The following HTR2C variants were observed in gnomAD, a reference collection of about 807,000 sequenced individuals.
The protein encoded by HTR2C is 5-hydroxytryptamine receptor 2C, also known as 5-hydroxytryptamine (serotonin) receptor 2C, G protein-coupled.
A neutral mutation model predicts 21.0 loss-of-function variants in HTR2C; 5 were observed. The ratio of observed to expected loss-of-function variants is 0.24; its 90% CI spans 0.12 to 0.50. HTR2C has a LOEUF of 0.50. Among genes scored for constraint, HTR2C ranks in the 20% least tolerant of loss-of-function variants. The pLI is 0.98. For synonymous variants in HTR2C, 150 were observed against 145.3 expected, an observed-to-expected ratio of 1.03 and a Z score of -0.23; for missense variants, 271 against 371.2, an observed-to-expected ratio of 0.73 and a Z score of 2.22.
chrX:114,715,196 A>G (rs782162298), intron 2 of HTR2C: 1 of 334,645 alleles, frequency 3.0e-6, no homozygotes, highest in Non-Finnish European at 6.2e-6. Flanking sequence ...CCCTTTATAT[A>G]GGATGTCTTG....
At chrX:114,808,150 C>T (rs1490049652) in intron 4 of HTR2C, among the ~76,000 whole-genome samples, 2 of 110,302 alleles carry the variant, frequency 1.8e-5, no homozygotes, top group East Asian at 5.7e-4. Flanking sequence ...TGGTAACTGT[C>T]ATTTTACCCT....
At chrX:114,833,915 G>A (rs1227148834) in intron 4 of HTR2C, among the ~76,000 whole-genome samples, 11 of 108,043 alleles carry the variant, frequency 1.0e-4, no homozygotes, top group African/African-American at 3.7e-4. Flanking sequence ...TGTTCTCGTT[G>A]GTTTCAAAGA....
chrX:114,802,739 T>TTTCTTTC (rs1314502490), intron 4 of HTR2C, among the ~76,000 whole-genome samples: 1 of 100,006 alleles, frequency 1.0e-5, no homozygotes, highest in Non-Finnish European at 2.0e-5. Flanking sequence ...TCTTTCTTTC[T>TTTCTTTC]TATTATTATA....
intron 2 of HTR2C, among the ~76,000 whole-genome samples, chrX:114,665,200 A>C (rs1016471682): frequency 2.7e-5 from 3 of 111,866 alleles, no homozygotes; most frequent in Non-Finnish European, 5.6e-5. Flanking sequence ...AGACCTCCTT[A>C]TTACACTGAC....
At chrX:114,807,469 A>G (rs1462494965) in intron 4 of HTR2C, among the ~76,000 whole-genome samples, 1 of 99,579 alleles carries the variant, frequency 1.0e-5, no homozygotes, top group Admixed American at 1.2e-4. Context: ...CCATATATAT[A>G]TACCATATAT....
chrX:114,725,152 C>T (rs1177984688), intron 2 of HTR2C, among the ~76,000 whole-genome samples: 4 of 111,390 alleles, frequency 3.6e-5, no homozygotes, highest in Non-Finnish European at 7.5e-5. Context: ...TTCAGGTACA[C>T]CAATCAGAGG....
chrX:114,641,170 C>G (rs1464572377), intron 2 of HTR2C, among the ~76,000 whole-genome samples: 1 of 109,193 alleles, frequency 9.2e-6, no homozygotes, highest in Non-Finnish European at 1.9e-5. Context: ...AACTCCCTGT[C>G]TCAAGCCATC....
At chrX:114,781,595 G>A (rs782684322) in intron 4 of HTR2C, among the ~76,000 whole-genome samples, 9 of 109,144 alleles carry the variant, frequency 8.2e-5, no homozygotes, top group Non-Finnish European at 1.5e-4. Flanking sequence ...TGATGTCCTC[G>A]GCTCAAGTAA....
chrX:114,884,063 A>C (rs1026923322), intron 5 of HTR2C, among the ~76,000 whole-genome samples: 1 of 111,186 alleles, frequency 9.0e-6, no homozygotes, highest in Admixed American at 9.6e-5. Context: ...CATGTAGCAT[A>C]ATGGCCTCCA....
chrX:114,848,257 G>A, intron 5 of HTR2C, 54 bp downstream of exon 5: 1 of 907,839 alleles, frequency 1.1e-6, no homozygotes. Flanking sequence ...CAATACTTTC[G>A]GATTATGTAC....
intron 5 of HTR2C, among the ~76,000 whole-genome samples, chrX:114,878,654 C>T (rs1396999620): frequency 9.0e-6 from 1 of 110,800 alleles, no homozygotes; most frequent in Non-Finnish European, 1.9e-5. Flanking sequence ...GTGTTAATGT[C>T]TCATTTAAAT....
intron 5 of HTR2C, among the ~76,000 whole-genome samples, chrX:114,901,402 CATAAT>C (rs1374130035): frequency 9.0e-6 from 1 of 111,506 alleles, no homozygotes; most frequent in Admixed American, 9.6e-5. Context: ...AGTAAGCACT[CATAAT>C]AAACACTTAA....
intron 3 of HTR2C, among the ~76,000 whole-genome samples, chrX:114,729,713 G>T (rs1306202610): frequency 9.0e-6 from 1 of 111,534 alleles, no homozygotes; most frequent in Non-Finnish European, 1.9e-5. Context: ...AGTCAGCAAT[G>T]AGTCCATTAA....
At chrX:114,776,010 T>C (rs2070053364) in intron 4 of HTR2C, 6 of 413,260 alleles carry the variant, frequency 1.5e-5, no homozygotes, top group African/African-American at 2.5e-5. Flanking sequence ...CTTATAGCTC[T>C]CTTCTTCTCA....
In HTR2C at chrX:114,839,994, G is replaced by GAAAAAC. The variant is rs782605296; in HGVS notation, c.350-7989_350-7984dup. ...TTGAGTCCAACCAAGCTGATTGCTGGAAAAACAAAAACAAAAACAAAAACA... is the reference window on the plus strand; with the variant it reads ...TTGAGTCCAACCAAGCTGATTGCTGGAAAAACAAAAACAAAAACAAAAACAAAAACA... On this transcript the variant is annotated intron_variant, in intron 4 of 5. Coordinates refer to ENST00000276198, the MANE Select transcript of HTR2C (RefSeq NM_000868.4). 9.2e-3 allele frequency among the ~76,000 whole-genome samples: 1,016 copies of GAAAAAC among 110,817 alleles called. 3 individuals carry two copies. Among genetic ancestry groups the GAAAAAC allele is most frequent in the Non-Finnish European group, 0.015 (807 of 52,920 alleles).
intron 5 of HTR2C, among the ~76,000 whole-genome samples, chrX:114,890,206 T>C (rs926396343): frequency 1.2e-4 from 14 of 112,086 alleles, no homozygotes; most frequent in Non-Finnish European, 2.1e-4. Flanking sequence ...TATCCTATTA[T>C]ACTAAATGTT....
intron 4 of HTR2C, among the ~76,000 whole-genome samples, chrX:114,771,813 A>G (rs2070006939): frequency 8.9e-6 from 1 of 112,704 alleles, no homozygotes; most frequent in African/African-American, 3.2e-5. Flanking sequence ...CTCTGGAGAT[A>G]AAGCTTTTTC....
chrX:114,736,006 G>A (rs2069586512), intron 4 of HTR2C, among the ~76,000 whole-genome samples: 2 of 110,164 alleles, frequency 1.8e-5, no homozygotes, highest in African/African-American at 3.3e-5. Flanking sequence ...CCAGCTACTC[G>A]GGAGGTTGAG....
At chrX:114,876,492 G>A (rs782207582) in intron 5 of HTR2C, among the ~76,000 whole-genome samples, 2 of 92,134 alleles carry the variant, frequency 2.2e-5, no homozygotes, top group African/African-American at 4.1e-5. Context: ...GAAGTGGCAC[G>A]AGTGGGCACC....
Sources: gnomAD v4.1 joint callset for allele counts (sites outside exome capture counted in the v4.1 genomes callset) on GRCh38, gnomAD v4.1.1 for gene constraint, MANE v1.5 for transcripts, NCBI Gene and HGNC (gene_info 2026-07-23, HGNC 2026-07-21) for gene names.